Variants in BPHL observed in about 807,000 individuals in gnomAD.
The protein encoded by BPHL is biphenyl hydrolase like, also known as serine hydrolase BPHL.
Under a neutral mutation model 31.2 loss-of-function variants are expected in BPHL, and 27 were observed. The observed-to-expected ratio is 0.87, with a 90% confidence interval of 0.64 to 1.19. The LOEUF is 1.19. Among genes scored for constraint, BPHL ranks in the 50% most tolerant of loss-of-function variants. The pLI is 0.00. For missense variants in BPHL, 356 were observed against 375.7 expected, an observed-to-expected ratio of 0.95 and a Z score of 0.43; for synonymous variants, 150 against 146.8, an observed-to-expected ratio of 1.02 and a Z score of -0.16.
intron 2 of BPHL, among the ~76,000 whole-genome samples, chr6:3,124,862 C>T (rs1426406218): frequency 6.6e-6 from 1 of 152,158 alleles, no homozygotes; most frequent in Non-Finnish European, 1.5e-5. Flanking sequence ...CTCAGCGGAT[C>T]GTGGCACTGT....
chr6:3,145,821 T>TC (rs1436634713), intron 6 of BPHL, among the ~76,000 whole-genome samples: 2 of 55,140 alleles, frequency 3.6e-5, no homozygotes, highest in South Asian at 5.3e-4. Flanking sequence ...GAGTGCTGGT[T>TC]TGGGTCGAGT....
chr6:3,134,264 T>C (rs561209794), intron 4 of BPHL, among the ~76,000 whole-genome samples: 1 of 152,320 alleles, frequency 6.6e-6, no homozygotes, highest in African/African-American at 2.4e-5. Flanking sequence ...ACAGTTTCAA[T>C]GTTATCCCAG....
rs749923074 is a variant in BPHL, at chr6:3,152,479, C to A, written c.789-9C>A. The A allele has an allele frequency of 1.3e-5, 21 of 1,611,476 alleles. No homozygotes were observed. The highest frequency in any genetic ancestry group is 1.7e-5 in the Non-Finnish European group (20 of 1,178,650). On this transcript the variant is annotated splice_polypyrimidine_tract_variant and intron_variant, in intron 6 of 6. Transcript: ENST00000380379. ...CATTGACCCAAAGTATTTTTAATTC[C>A]TTTTTTAGGCTGCATTTGATGCCAG...
At chr6:3,143,422 G>A (rs960766941) in intron 6 of BPHL, among the ~76,000 whole-genome samples, 1 of 152,128 alleles carries the variant, frequency 6.6e-6, no homozygotes, top group Admixed American at 6.5e-5. Context: ...CTCTCTTTGT[G>A]GTAGAAGAAA....
At chr6:3,141,888 C>T (rs759572204) in intron 6 of BPHL, among the ~76,000 whole-genome samples, 9 of 151,778 alleles carry the variant, frequency 5.9e-5, no homozygotes, top group Non-Finnish European at 8.8e-5. Flanking sequence ...TCAGGAGAAT[C>T]GCTTGAACCT....
chr6:3,152,893 G>A lies in BPHL; in HGVS notation c.*318G>A, dbSNP rs771013886. 1 of 192,014 alleles carries A rather than the reference G, an allele frequency of 5.2e-6. No homozygotes were observed. The allele number at this position is 192,014 out of a possible 1,614,324, so 11.9% of individuals were successfully genotyped here. A position where few individuals can be genotyped will look rare whatever the true frequency, so the allele number is the denominator to read the frequency against. On this transcript the variant is annotated 3_prime_UTR_variant, in exon 7 of 7. Coordinates refer to ENST00000380379, the MANE Select transcript of BPHL (RefSeq NM_004332.4). ...AAGAGTTTTTCAAAATTAGCCAGGC[G>A]AAGTGGCACACATCTGTGGTCCCAG...
chr6:3,122,149 G>A (rs937097152), intron 1 of BPHL, among the ~76,000 whole-genome samples: 8 of 152,226 alleles, frequency 5.3e-5, no homozygotes, highest in East Asian at 1.9e-4. Context: ...GCGTGGTGGC[G>A]GGTGCCTGTA....
At chr6:3,130,185 TG>T (rs1186865936) in intron 4 of BPHL, among the ~76,000 whole-genome samples, 3 of 152,230 alleles carry the variant, frequency 2.0e-5, no homozygotes, top group Non-Finnish European at 2.9e-5. Context: ...CCCACTTTTG[TG>T]CAGCCCACGT....
chr6:3,121,057 G>T (rs1356578928), intron 1 of BPHL, among the ~76,000 whole-genome samples: 2 of 152,124 alleles, frequency 1.3e-5, no homozygotes, highest in Non-Finnish European at 2.9e-5. Context: ...TTTTTGTGAG[G>T]ATTTGAAACA....
At chr6:3,130,853 A>G (rs1318397625) in intron 4 of BPHL, among the ~76,000 whole-genome samples, 1 of 152,122 alleles carries the variant, frequency 6.6e-6, no homozygotes, top group Non-Finnish European at 1.5e-5. Context: ...TTTTAAATGA[A>G]TATGAAGCTC....
At chr6:3,139,550 G>A (rs922530448) in intron 5 of BPHL, 3 of 152,270 alleles carry the variant, frequency 2.0e-5, no homozygotes, top group African/African-American at 7.2e-5. Context: ...CCCGTGCAGG[G>A]CGGGGGAGCA....
chr6:3,120,182 C>T (rs1561786630), intron 1 of BPHL, among the ~76,000 whole-genome samples: 1 of 152,028 alleles, frequency 6.6e-6, no homozygotes, highest in Non-Finnish European at 1.5e-5. Context: ...TTACAGGTAC[C>T]TGCCACCATG....
intron 1 of BPHL, chr6:3,119,427 T>C (rs766840390): frequency 1.2e-6 from 2 of 1,610,940 alleles, no homozygotes; most frequent in South Asian, 2.2e-5. Context: ...TGGGCCTCAC[T>C]CCCAGAGGAT....
intron 2 of BPHL, among the ~76,000 whole-genome samples, chr6:3,124,468 G>T (rs1389159400): frequency 6.6e-6 from 1 of 152,044 alleles, no homozygotes; most frequent in Non-Finnish European, 1.5e-5. Context: ...ATTCCTGGGG[G>T]ACTGGATCCA....
chr6:3,144,485 A>G (rs973486691), intron 6 of BPHL, among the ~76,000 whole-genome samples: 4 of 149,572 alleles, frequency 2.7e-5, no homozygotes, highest in Admixed American at 2.0e-4. Flanking sequence ...TCCTGGACTC[A>G]AGTGATCCTC....
At position 3,140,535 on chromosome 6, in the gene BPHL, TC is replaced by T. The variant is rs761934515; in HGVS notation, c.788+32del. The T allele has an allele frequency of 1.2e-6, 2 of 1,605,220 alleles. No individual in the cohort carries two copies. The highest frequency in any genetic ancestry group is 1.7e-6 in the Non-Finnish European group (2 of 1,177,338). ...GTAAGTCCTGTCACCGCCTTCACACTCCCCCCGAGAGCCTCGGAGTCAATGG... is the reference window on the plus strand; with the variant it reads ...GTAAGTCCTGTCACCGCCTTCACACTCCCCCGAGAGCCTCGGAGTCAATGG... On this transcript the variant is annotated intron_variant, in intron 6 of 6. Coordinates refer to ENST00000380379, the MANE Select transcript of BPHL (RefSeq NM_004332.4). This position sits in a 1 kb window ranked among gnomAD's most constrained non-coding sequence, Gnocchi z 5.2.
intron 4 of BPHL, among the ~76,000 whole-genome samples, chr6:3,134,955 T>G (rs1426280204): frequency 6.6e-6 from 1 of 152,156 alleles, no homozygotes; most frequent in African/African-American, 2.4e-5. Flanking sequence ...CAGGCTGGTC[T>G]TGAACTCCTG....
chr6:3,137,480 A>ACTAC lies in BPHL; in HGVS notation c.652_653insTACC (p.His218LeufsTer7), dbSNP rs1288751077. ...GGGTGGATGGCATAAGACAGTTTAA[A>ACTAC]CATCTCCCAGATGGTAGGTTACTGG... On this transcript the variant is annotated frameshift_variant, in exon 5 of 7. Transcript: ENST00000380379. LOFTEE classifies it high-confidence loss of function. 6.2e-7 allele frequency: 1 copy of ACTAC among 1,613,654 alleles called. No homozygotes were observed. Among genetic ancestry groups the ACTAC allele is most frequent in the East Asian group, 2.2e-5 (1 of 44,864 alleles).
intron 1 of BPHL, among the ~76,000 whole-genome samples, chr6:3,121,291 CTTTTTTTTTTTTT>C (rs67332286): frequency 8.7e-5 from 7 of 80,380 alleles, no homozygotes; most frequent in East Asian, 4.5e-4. Context: ...ATAGCAGTTT[CTTTTTTTTTTTTT>C]TTTTTTTTTT....
Sources: allele counts gnomAD v4.1 joint callset (sites outside exome capture counted in the v4.1 genomes callset), GRCh38; gene constraint gnomAD v4.1.1; non-coding constraint Gnocchi (gnomAD v3.1); transcripts MANE v1.5; gene names NCBI Gene and HGNC (gene_info 2026-07-23, HGNC 2026-07-21).